Variants in IGSF21 observed in about 807,000 individuals in gnomAD.
The protein encoded by IGSF21 is immunoglobin superfamily member 21, also known as immunoglobulin superfamily member 21.
IGSF21 carries 28 observed loss-of-function variants against 46.8 expected under a neutral mutation model. The observed-to-expected ratio is 0.60, with a 90% CI of 0.44 to 0.82. The LOEUF (loss-of-function observed/expected upper bound fraction) is 0.82. Among genes scored for constraint, IGSF21 ranks in the 40% least tolerant of loss-of-function variants. The pLI, the probability that IGSF21 is intolerant of heterozygous loss-of-function variation, is 0.00. For synonymous variants in IGSF21, 284 were observed against 273.6 expected (o/e 1.04, Z -0.38); for missense variants, 624 against 665.5 (o/e 0.94, Z 0.69).
rs191350891 is a variant in IGSF21 at position 18,336,759 on chromosome 1, A to G, written c.424+1749A>G. Among the ~76,000 whole-genome samples the G allele has an allele frequency of 5.0e-3, 761 of 152,136 alleles. 9 individuals are homozygous for G. Among genetic ancestry groups the G allele is most frequent in the Non-Finnish European group, 2.7e-3 (184 of 68,000 alleles). On this transcript the variant is annotated intron_variant, in intron 4 of 9. Transcript: ENST00000251296. Reference sequence around the variant, plus strand: ...ATCTGTACTGTATTAGTCCATTTTCATGTTGCTGATAAAGACATACCCAAG... The same window carrying G: ...ATCTGTACTGTATTAGTCCATTTTCGTGTTGCTGATAAAGACATACCCAAG...
rs74056581 is a variant in IGSF21, at chr1:18,277,414, C to G, written c.184-14452C>G. Among the ~76,000 whole-genome samples the G allele has an allele frequency of 2.0e-5, 3 of 152,332 alleles. No individual in the cohort carries two copies. In the East Asian group the frequency reaches 5.8e-4, roughly 29 times the overall value. On this transcript the variant is annotated intron_variant, in intron 2 of 9. Coordinates refer to ENST00000251296, the MANE Select transcript of IGSF21 (RefSeq NM_032880.5). The stretch of plus-strand genomic sequence containing the variant: ...GGGGCCTTCAGAGGCCAAACTCCCC[C>G]GCCCTAGCTGAGACTCACTCACCTC...
At chr1:18,346,938 G>A (rs1442336802) in intron 4 of IGSF21, among the ~76,000 whole-genome samples, 2 of 152,310 alleles carry the variant, frequency 1.3e-5, no homozygotes, top group Non-Finnish European at 2.9e-5. Flanking sequence ...TGGTCAGGGA[G>A]CTGGAGGAAG....
intron 3 of IGSF21, among the ~76,000 whole-genome samples, chr1:18,302,859 A>G (rs1299005351): frequency 6.6e-6 from 1 of 152,188 alleles, no homozygotes; most frequent in Non-Finnish European, 1.5e-5. Flanking sequence ...TGTTGCATCC[A>G]CAGCTGCCAC....
chr1:18,274,770 A>G (rs2085083316), intron 2 of IGSF21, among the ~76,000 whole-genome samples: 1 of 152,206 alleles, frequency 6.6e-6, no homozygotes, highest in Non-Finnish European at 1.5e-5. Context: ...TCGCACTTGT[A>G]ATCCCAGCAC....
At chr1:18,278,366 A>C (rs2085124360) in intron 2 of IGSF21, among the ~76,000 whole-genome samples, 1 of 151,602 alleles carries the variant, frequency 6.6e-6, no homozygotes, top group African/African-American at 2.4e-5. Context: ...CAGCCTCCTG[A>C]GTAGCTGGGA....
chr1:18,194,037 T>C (rs1475227924), intron 1 of IGSF21, among the ~76,000 whole-genome samples: 2 of 152,134 alleles, frequency 1.3e-5, no homozygotes, highest in Admixed American at 6.5e-5. Flanking sequence ...GAAATGATCA[T>C]GTGGGCTGTT....
Position 18,291,882 on chromosome 1 carries a change from C to G in IGSF21, c.200C>G (p.Thr67Ser). 1 of 1,614,000 alleles carries G rather than the reference C, an allele frequency of 6.2e-7. No individual in the cohort carries two copies. The highest frequency in any genetic ancestry group is 8.5e-7 in the Non-Finnish European group (1 of 1,179,960). ...CTGTGGCAGGTGACGGATGGTGGCA[C>G]CATCAAGCAAAAGATCTTCACCTTC... ...IVWYRVTDGG[T>S]IKQKIFTFDA... Residue 67 changes from threonine (T) to serine (S), a missense_variant, in exon 3 of 10, where the codon ACC becomes AGC. Physicochemically the swap from Thr to Ser is moderately conservative, Grantham distance 58. Transcript: ENST00000251296.
intron 2 of IGSF21, among the ~76,000 whole-genome samples, chr1:18,255,064 G>A (rs2084877760): frequency 6.6e-6 from 1 of 152,206 alleles, no homozygotes; most frequent in African/African-American, 2.4e-5. Flanking sequence ...GAAATACACT[G>A]ACCCCAGCGA....
rs953931863 is a variant in IGSF21 at position 18,337,228 on chromosome 1, C to T, written c.424+2218C>T. 2.0e-4 allele frequency among the ~76,000 whole-genome samples: 30 copies of T among 152,180 alleles called. No homozygotes were observed. The highest frequency in any genetic ancestry group is 8.5e-4 in the Admixed American group (13 of 15,282). Reference sequence around the variant, plus strand: ...TCTCGTGGGACTCACTCAGGTTGCACAACTGGCCTGATGGTCTCTGCTGAG... The same window carrying T: ...TCTCGTGGGACTCACTCAGGTTGCATAACTGGCCTGATGGTCTCTGCTGAG... On this transcript the variant is annotated intron_variant, in intron 4 of 9. Transcript: ENST00000251296. This position sits in a 1 kb window ranked among gnomAD's most constrained non-coding sequence, Gnocchi z 5.7.
intron 3 of IGSF21, among the ~76,000 whole-genome samples, chr1:18,304,724 C>T (rs1204955647): frequency 5.9e-4 from 27 of 46,084 alleles, no homozygotes; most frequent in African/African-American, 2.9e-3. Context: ...CACACACACA[C>T]ACACATACAC....
At chr1:18,255,533 C>T (rs968287887) in intron 2 of IGSF21, among the ~76,000 whole-genome samples, 3 of 152,122 alleles carry the variant, frequency 2.0e-5, no homozygotes, top group African/African-American at 7.2e-5. Flanking sequence ...CATGGCCCTC[C>T]CTTTCTTCCA....
At chr1:18,278,029 C>T (rs2085119539) in intron 2 of IGSF21, among the ~76,000 whole-genome samples, 2 of 152,078 alleles carry the variant, frequency 1.3e-5, no homozygotes, top group Non-Finnish European at 1.5e-5. Flanking sequence ...TAAATTTGAC[C>T]TCAAAAGAAA....
At chr1:18,353,798 G>T (rs997285418) in intron 4 of IGSF21, among the ~76,000 whole-genome samples, 1 of 152,224 alleles carries the variant, frequency 6.6e-6, no homozygotes, top group Non-Finnish European at 1.5e-5. Flanking sequence ...TGTGTTTGGC[G>T]CATGGTGATG....
chr1:18,276,683 A>G (rs988051452), intron 2 of IGSF21, among the ~76,000 whole-genome samples: 2 of 151,940 alleles, frequency 1.3e-5, no homozygotes, highest in Non-Finnish European at 2.9e-5. Flanking sequence ...GTCACAAGCC[A>G]TTGTCTGGGG....
At chr1:18,241,252 T>C (rs576186568) in intron 2 of IGSF21, among the ~76,000 whole-genome samples, 2 of 152,324 alleles carry the variant, frequency 1.3e-5, no homozygotes, top group African/African-American at 4.8e-5. Flanking sequence ...TGCCTTTCCA[T>C]GGTTCTTAGG....
At chr1:18,145,214 AG>A (rs1228022403) in intron 1 of IGSF21, among the ~76,000 whole-genome samples, 1 of 151,994 alleles carries the variant, frequency 6.6e-6, no homozygotes. Context: ...TTTTTTAAAA[AG>A]TTATCCTCGG....
Position 18,334,036 on chromosome 1 carries a change from G to A in IGSF21, c.306-856G>A, listed in dbSNP as rs1277653920. 2.0e-5 allele frequency among the ~76,000 whole-genome samples: 3 copies of A among 152,212 alleles called. No homozygotes were observed. Among genetic ancestry groups the A allele is most frequent in the East Asian group, 3.8e-4 (2 of 5,204 alleles). On this transcript the variant is annotated intron_variant, in intron 3 of 9. Transcript: ENST00000251296. The surrounding 1 kb of genome is among the most constrained non-coding windows in gnomAD (Gnocchi z 4.3). ...ATTGTAGCTGCTTTTGTGCTGCAAG[G>A]ACAGGGTTGAATTGCAATTGTAAAG...
At chr1:18,342,916 G>C (rs2085857611) in intron 4 of IGSF21, among the ~76,000 whole-genome samples, 1 of 152,172 alleles carries the variant, frequency 6.6e-6, no homozygotes, top group African/African-American at 2.4e-5. Context: ...AAGTTTTTGT[G>C]TGAATGTGTA....
At chr1:18,263,767 A>C (rs1315082709) in intron 2 of IGSF21, among the ~76,000 whole-genome samples, 1 of 152,154 alleles carries the variant, frequency 6.6e-6, no homozygotes, top group East Asian at 1.9e-4. Flanking sequence ...CTTCCACTGC[A>C]TGCTCATCCC....
Sources: allele counts gnomAD v4.1 joint callset (sites outside exome capture counted in the v4.1 genomes callset), GRCh38; gene constraint gnomAD v4.1.1; non-coding constraint Gnocchi (gnomAD v3.1); transcripts MANE v1.5; gene names NCBI Gene and HGNC (gene_info 2026-07-23, HGNC 2026-07-21).